SCHIP1: variants seen among roughly 807,000 people sequenced by gnomAD.
SCHIP1 encodes the protein schwannomin-interacting protein 1.
SCHIP1 carries 8 observed loss-of-function variants against 29.7 expected under a neutral mutation model. The ratio of observed to expected loss-of-function variants is 0.27; its 90% CI spans 0.16 to 0.49. The LOEUF is 0.49. Among genes scored for constraint, SCHIP1 ranks in the 20% least tolerant of loss-of-function variants. SCHIP1 has a pLI of 0.99. For missense variants in SCHIP1, 193 were observed against 294.6 expected (o/e 0.66, Z 2.52); for synonymous variants, 76 against 94.9 (o/e 0.80, Z 1.16).
the SCHIP1 span, among the ~76,000 whole-genome samples, chr3:159,568,945 T>C: frequency 6.6e-6 from 1 of 152,204 alleles, no homozygotes; most frequent in African/African-American, 2.4e-5. Context: ...AGTGAGACTT[T>C]ATTATGGAGG....
chr3:159,890,215 C>T (rs768475005), intron 5 of SCHIP1, among the ~76,000 whole-genome samples: 4 of 152,020 alleles, frequency 2.6e-5, no homozygotes, highest in African/African-American at 4.8e-5. Context: ...CAGTAGAAGT[C>T]GGAGAGAGAA....
the SCHIP1 span, among the ~76,000 whole-genome samples, chr3:159,506,457 G>A: frequency 3.5e-3 from 538 of 152,298 alleles, 8 homozygotes; most frequent in African/African-American, 0.012. Context: ...CTGTGCAGAA[G>A]CTCTTTAGTT....
At chr3:159,289,056 T>C in the SCHIP1 span, among the ~76,000 whole-genome samples, 5 of 152,232 alleles carry the variant, frequency 3.3e-5, no homozygotes, top group Non-Finnish European at 7.3e-5. Flanking sequence ...CACCAAGTCT[T>C]GTTGACTTTA....
chr3:159,392,905 A>T, the SCHIP1 span, among the ~76,000 whole-genome samples: 15 of 152,220 alleles, frequency 9.9e-5, no homozygotes, highest in South Asian at 2.1e-4. Context: ...TCCACAATGG[A>T]TGAACTAGTT....
intron 1 of SCHIP1, among the ~76,000 whole-genome samples, chr3:159,842,626 C>G (rs916008202): frequency 1.3e-5 from 2 of 152,064 alleles, no homozygotes; most frequent in African/African-American, 4.8e-5. Context: ...TCCTACATTC[C>G]TGATTTCCTC....
At chr3:159,518,299 G>T in the SCHIP1 span, among the ~76,000 whole-genome samples, 1 of 152,072 alleles carries the variant, frequency 6.6e-6, no homozygotes, top group Non-Finnish European at 1.5e-5. Flanking sequence ...TTGGAAGAGA[G>T]GAGGAAGAAT....
At chr3:159,373,117 C>CTTAT in the SCHIP1 span, among the ~76,000 whole-genome samples, 7 of 151,578 alleles carry the variant, frequency 4.6e-5, no homozygotes, top group African/African-American at 1.7e-4. Flanking sequence ...AGAAACATAC[C>CTTAT]TTATTTTGAA....
chr3:159,626,237 T>G, the SCHIP1 span, among the ~76,000 whole-genome samples: 211 of 72,450 alleles, frequency 2.9e-3, 11 homozygotes, highest in African/African-American at 0.02. Context: ...TATCTAGATA[T>G]ATCTATCTAT....
At chr3:159,471,812 C>T in the SCHIP1 span, among the ~76,000 whole-genome samples, 1 of 152,076 alleles carries the variant, frequency 6.6e-6, no homozygotes, top group South Asian at 2.1e-4. Flanking sequence ...TGGAAATCAA[C>T]TTATGGAACC....
chr3:159,799,059 G>A, the SCHIP1 span, among the ~76,000 whole-genome samples: 4 of 152,314 alleles, frequency 2.6e-5, no homozygotes, highest in African/African-American at 9.6e-5. Context: ...GAGGGAGAGG[G>A]AGACACTGAA....
At chr3:159,625,787 C>T in the SCHIP1 span, among the ~76,000 whole-genome samples, 1 of 152,062 alleles carries the variant, frequency 6.6e-6, no homozygotes, top group African/African-American at 2.4e-5. Context: ...GTAAACTCAT[C>T]CTTCACACTC....
At chr3:159,810,414 C>G in the SCHIP1 span, among the ~76,000 whole-genome samples, 1 of 152,180 alleles carries the variant, frequency 6.6e-6, no homozygotes, top group African/African-American at 2.4e-5. Context: ...TCCCCACAAC[C>G]AAATGTAGAA....
At chr3:159,405,120 A>T in the SCHIP1 span, among the ~76,000 whole-genome samples, 1 of 152,184 alleles carries the variant, frequency 6.6e-6, no homozygotes, top group African/African-American at 2.4e-5. Context: ...AGTGACCAAA[A>T]TCTTAAACAC....
upstream of SCHIP1, among the ~76,000 whole-genome samples, chr3:159,834,913 G>T (rs536787907): frequency 5.8e-4 from 89 of 152,212 alleles, no homozygotes; most frequent in African/African-American, 2.1e-3. Context: ...CAAAATCCAG[G>T]ACAATTCTGG....
the SCHIP1 span, among the ~76,000 whole-genome samples, chr3:159,279,842 A>G: frequency 6.6e-6 from 1 of 152,188 alleles, no homozygotes; most frequent in African/African-American, 2.4e-5. Context: ...AACCCATGGA[A>G]AGGCACACAC....
the SCHIP1 span, among the ~76,000 whole-genome samples, chr3:159,351,305 G>T: frequency 1.2e-4 from 19 of 152,264 alleles, no homozygotes; most frequent in Admixed American, 4.6e-4. Flanking sequence ...GAGGAAGTCG[G>T]TGTTCAGAGA....
chr3:159,743,237 C>T, the SCHIP1 span, among the ~76,000 whole-genome samples: 1 of 152,114 alleles, frequency 6.6e-6, no homozygotes, highest in Admixed American at 6.5e-5. Flanking sequence ...AGAAACAGAA[C>T]ATTAAGACAT....
chr3:159,466,458 G>C, the SCHIP1 span, among the ~76,000 whole-genome samples: 2 of 152,126 alleles, frequency 1.3e-5, no homozygotes, highest in Non-Finnish European at 2.9e-5. Flanking sequence ...TGATTTCATA[G>C]GGTAACAGTA....
At chr3:159,571,362 G>A in the SCHIP1 span, among the ~76,000 whole-genome samples, 4 of 152,116 alleles carry the variant, frequency 2.6e-5, no homozygotes, top group Admixed American at 2.0e-4. Flanking sequence ...TTTGTCAAAG[G>A]CCTTTTCTGC....
Sources: gnomAD v4.1 joint callset for allele counts (sites outside exome capture counted in the v4.1 genomes callset) on GRCh38, gnomAD v4.1.1 for gene constraint, MANE v1.5 for transcripts, NCBI Gene and HGNC (gene_info 2026-07-23, HGNC 2026-07-21) for gene names.